Variants in NLGN1 observed in about 807,000 individuals in gnomAD.
NLGN1 encodes neuroligin 1, also known as neuroligin-1.
A neutral mutation model predicts 65.5 loss-of-function variants in NLGN1; 12 were observed. The ratio of observed to expected loss-of-function variants is 0.18; its 90% CI spans 0.12 to 0.30. The LOEUF (loss-of-function observed/expected upper bound fraction) is 0.30. NLGN1 is among the 10% of genes least tolerant of loss of function. NLGN1 has a pLI of 1.00. For missense variants in NLGN1, 750 were observed against 1,007.1 expected (o/e 0.74, Z 3.46); for synonymous variants, 350 against 359.5 (o/e 0.97, Z 0.30).
intron 1 of NLGN1, among the ~76,000 whole-genome samples, chr3:173,424,190 G>A (rs565370732): frequency 3.8e-4 from 58 of 152,294 alleles, no homozygotes; most frequent in African/African-American, 1.2e-3. Context: ...GAAGCTGCAC[G>A]GATCCACTGG....
rs138706644 is a variant in NLGN1, at chr3:174,153,003, G to T, written c.647-122312G>T. ...CCTGTCTCTTCTAAATTCTGATCTAGCCCTTGCCTACCTTTCTGACTTTAC... is the reference window on the plus strand; with the variant it reads ...CCTGTCTCTTCTAAATTCTGATCTATCCCTTGCCTACCTTTCTGACTTTAC... On this transcript the variant is annotated intron_variant, in intron 4 of 6. Transcript: ENST00000457714. Among the ~76,000 whole-genome samples, 784 of 152,032 alleles carry T rather than the reference G, an allele frequency of 5.2e-3. 5 individuals are homozygous for T. The highest frequency in any genetic ancestry group is 0.018 in the African/African-American group (748 of 41,490).
chr3:173,887,439 G>C, intron 4 of NLGN1, among the ~76,000 whole-genome samples: 1 of 151,794 alleles, frequency 6.6e-6, no homozygotes, highest in East Asian at 1.9e-4. Flanking sequence ...ACAAATGCTT[G>C]GTGAATTTTT....
At chr3:173,675,887 T>TCTCACACACACA (rs756157881) in intron 3 of NLGN1, among the ~76,000 whole-genome samples, 110 of 138,636 alleles carry the variant, frequency 7.9e-4, no homozygotes, top group African/African-American at 2.4e-3. Flanking sequence ...TCTCTCTCTC[T>TCTCACACACACA]CACACACACA....
intron 3 of NLGN1, among the ~76,000 whole-genome samples, chr3:173,650,150 T>C (rs777332882): frequency 6.6e-6 from 1 of 152,050 alleles, no homozygotes; most frequent in African/African-American, 2.4e-5. Context: ...TTTTTTTAAC[T>C]TAATACATCT....
At chr3:173,993,447 T>C (rs1721558677) in intron 4 of NLGN1, among the ~76,000 whole-genome samples, 2 of 152,210 alleles carry the variant, frequency 1.3e-5, no homozygotes, top group South Asian at 2.1e-4. Context: ...CCAGAGCAGA[T>C]ACAAATTATC....
At chr3:173,936,853 G>C (rs373460687) in intron 4 of NLGN1, among the ~76,000 whole-genome samples, 6 of 152,006 alleles carry the variant, frequency 3.9e-5, no homozygotes, top group African/African-American at 1.4e-4. Context: ...AGAGAATTTT[G>C]AATTGACAGT....
intron 3 of NLGN1, among the ~76,000 whole-genome samples, chr3:173,712,483 G>A (rs1769142951): frequency 6.6e-6 from 1 of 152,088 alleles, no homozygotes. Flanking sequence ...AAGGCTGCCT[G>A]GACTCAGATT....
At chr3:173,722,991 C>T (rs184519990) in intron 3 of NLGN1, among the ~76,000 whole-genome samples, 193 of 152,198 alleles carry the variant, frequency 1.3e-3, no homozygotes, top group Non-Finnish European at 1.9e-3. Context: ...GATAAAATGA[C>T]GGTTAAACAG....
rs114484967 is a variant in NLGN1 at position 174,166,764 on chromosome 3, A to C, written c.647-108551A>C. ...AGTTTTCTGCCTCAATAGTCTTTCT[A>C]ATGCTGTCAGTGGGGTGTTGAAGTT... On this transcript the variant is annotated intron_variant, in intron 4 of 6. Transcript: ENST00000457714. Among the ~76,000 whole-genome samples the C allele has an allele frequency of 4.5e-3, 684 of 152,124 alleles. 6 individuals are homozygous for C. The highest frequency in any genetic ancestry group is 0.016 in the African/African-American group (662 of 41,510).
At chr3:174,200,493 G>A (rs910427450) in intron 4 of NLGN1, among the ~76,000 whole-genome samples, 1 of 152,096 alleles carries the variant, frequency 6.6e-6, no homozygotes, top group East Asian at 1.9e-4. Context: ...GCTTTGAGAG[G>A]TAAAAGATTC....
intron 3 of NLGN1, among the ~76,000 whole-genome samples, chr3:173,704,839 T>G (rs1428179519): frequency 1.3e-5 from 2 of 152,204 alleles, no homozygotes; most frequent in African/African-American, 2.4e-5. Context: ...CAGTAAATCC[T>G]ATTTGTCTAC....
intron 4 of NLGN1, among the ~76,000 whole-genome samples, chr3:173,921,492 C>A (rs150363355): frequency 8.7e-4 from 132 of 151,748 alleles, no homozygotes; most frequent in Non-Finnish European, 1.7e-3. Context: ...GATCAAATCT[C>A]ATTTATTTTA....
intron 4 of NLGN1, among the ~76,000 whole-genome samples, chr3:174,154,825 TATATAG>T (rs1238591537): frequency 6.1e-4 from 39 of 63,798 alleles, no homozygotes; most frequent in African/African-American, 4.8e-3. Flanking sequence ...TGTAGATAGA[TATATAG>T]ATATTGTAGA....
At chr3:173,477,522 C>T (rs946247196) in intron 2 of NLGN1, among the ~76,000 whole-genome samples, 6 of 151,688 alleles carry the variant, frequency 4.0e-5, no homozygotes, top group African/African-American at 4.8e-5. Context: ...CCAAACTGCA[C>T]GAAAGAGCAA....
chr3:173,838,226 A>AG (rs1366677079), intron 4 of NLGN1, among the ~76,000 whole-genome samples: 2 of 151,964 alleles, frequency 1.3e-5, no homozygotes, highest in South Asian at 4.2e-4. Context: ...ATTAAAAAAA[A>AG]AAAGGTTTTA....
At chr3:173,474,187 CCTT>C (rs1227654035) in intron 2 of NLGN1, among the ~76,000 whole-genome samples, 12 of 152,050 alleles carry the variant, frequency 7.9e-5, no homozygotes, top group African/African-American at 1.9e-4. Flanking sequence ...TGCTCCTTCT[CCTT>C]CTTCTTCTGA....
intron 4 of NLGN1, among the ~76,000 whole-genome samples, chr3:173,968,478 T>TA (rs1198514182): frequency 6.6e-6 from 1 of 151,950 alleles, no homozygotes; most frequent in Non-Finnish European, 1.5e-5. Context: ...TTAGCAGTTC[T>TA]AAAAAATGAG....
chr3:173,625,530 C>G (rs907796576), intron 3 of NLGN1, among the ~76,000 whole-genome samples: 13 of 152,104 alleles, frequency 8.5e-5, no homozygotes, highest in African/African-American at 2.7e-4. Flanking sequence ...TGGAGAAAGT[C>G]TCTGTCTTCC....
intron 4 of NLGN1, among the ~76,000 whole-genome samples, chr3:174,176,773 C>T (rs1729519250): frequency 6.6e-6 from 1 of 152,028 alleles, no homozygotes. Flanking sequence ...ATGTATGCAA[C>T]AACGCAAACA....
Sources: gnomAD v4.1 joint callset for allele counts (sites outside exome capture counted in the v4.1 genomes callset) on GRCh38, gnomAD v4.1.1 for gene constraint, MANE v1.5 for transcripts, NCBI Gene and HGNC (gene_info 2026-07-23, HGNC 2026-07-21) for gene names.